Variants in NRG1 observed in about 807,000 individuals in gnomAD.
NRG1 encodes neuregulin 1.
A neutral mutation model predicts 63.8 loss-of-function variants in NRG1; 18 were observed. The ratio of observed to expected loss-of-function variants is 0.28; its 90% CI spans 0.19 to 0.42. The LOEUF is 0.42. Ranked by LOEUF, NRG1 falls within the 10% of genes least tolerant of loss-of-function variation. NRG1 has a pLI of 1.00. For missense variants in NRG1, 762 were observed against 814.7 expected, an observed-to-expected ratio of 0.94 and a Z score of 0.79; for synonymous variants, 302 against 301.3, an observed-to-expected ratio of 1.00 and a Z score of -0.02.
intron 1 of NRG1, among the ~76,000 whole-genome samples, chr8:32,430,747 A>G (rs1818026433): frequency 1.3e-5 from 2 of 149,830 alleles, no homozygotes; most frequent in Non-Finnish European, 1.5e-5. Context: ...GCAAACATTT[A>G]TGGTCTGATT....
intron 1 of NRG1, among the ~76,000 whole-genome samples, chr8:31,771,888 G>A (rs1320423793): frequency 1.3e-5 from 2 of 152,138 alleles, no homozygotes; most frequent in Non-Finnish European, 2.9e-5. Flanking sequence ...CAAGCACAGT[G>A]CAAAAATAGG....
intron 1 of NRG1, among the ~76,000 whole-genome samples, chr8:31,876,813 A>G (rs1829961787): frequency 6.6e-6 from 1 of 152,172 alleles, no homozygotes; most frequent in Non-Finnish European, 1.5e-5. Context: ...AACCAGCCAG[A>G]GGTGGAAAAG....
chr8:32,264,525 A>G (rs992832633), intron 1 of NRG1, among the ~76,000 whole-genome samples: 2 of 152,226 alleles, frequency 1.3e-5, no homozygotes, highest in Non-Finnish European at 2.9e-5. Context: ...TGATATGCAG[A>G]CAAACCAGCT....
intron 1 of NRG1, among the ~76,000 whole-genome samples, chr8:32,343,696 C>T (rs1804371421): frequency 6.6e-6 from 1 of 152,114 alleles, no homozygotes; most frequent in African/African-American, 2.4e-5. Flanking sequence ...TATGAGAAAC[C>T]TTCTACATCC....
chr8:31,683,707 A>G (rs62506907), intron 1 of NRG1, among the ~76,000 whole-genome samples: 30,308 of 152,018 alleles, frequency 0.2, 4,061 homozygotes, highest in East Asian at 0.59. Context: ...GGTGATAATA[A>G]TGCTTCAGTG....
At chr8:32,606,959 G>C (rs1845380028) in intron 3 of NRG1, among the ~76,000 whole-genome samples, 1 of 152,072 alleles carries the variant, frequency 6.6e-6, no homozygotes, top group Admixed American at 6.6e-5. Flanking sequence ...GGAAAATTCA[G>C]GTTAATGCCT....
chr8:31,842,986 T>G lies in NRG1; in HGVS notation c.37+203555T>G, dbSNP rs535930725. Among the ~76,000 whole-genome samples, 3 of 152,312 alleles carry G rather than the reference T, an allele frequency of 2.0e-5. No homozygotes were observed. In the South Asian group the frequency reaches 6.2e-4, roughly 32 times the overall value. On this transcript the variant is annotated intron_variant, in intron 1 of 10. Transcript: ENST00000519301. ...TGAAGATAGAAAATTGTCTGTGTCT[T>G]AAAATAATCTTCTATAAATTATGCG...
chr8:31,648,721 CAT>C (rs1169424243), intron 1 of NRG1, among the ~76,000 whole-genome samples: 1 of 152,166 alleles, frequency 6.6e-6, no homozygotes, highest in East Asian at 1.9e-4. Context: ...CATGTTGTAG[CAT>C]ATGTCAGAAT....
At chr8:31,727,392 T>C (rs1235835922) in intron 1 of NRG1, among the ~76,000 whole-genome samples, 10 of 152,204 alleles carry the variant, frequency 6.6e-5, no homozygotes. Flanking sequence ...TTTTTCCATC[T>C]CCTCTAATTT....
intron 1 of NRG1, among the ~76,000 whole-genome samples, chr8:32,285,470 G>T (rs1853415073): frequency 6.6e-6 from 1 of 152,168 alleles, no homozygotes; most frequent in African/African-American, 2.4e-5. Context: ...AGGCATCCAA[G>T]GGACTTGACC....
At chr8:32,280,679 GGTTTTTTTTTTGTTT>G (rs1251927607) in intron 1 of NRG1, among the ~76,000 whole-genome samples, 4,515 of 94,970 alleles carry the variant, frequency 0.048, 236 homozygotes, top group African/African-American at 0.17. Context: ...AACTGAATTA[GGTTTTTTTTTTGTTT>G]TTTTTTTTTT....
intron 1 of NRG1, among the ~76,000 whole-genome samples, chr8:32,356,474 A>ACCCCCCCCCCCCCCCCCCGGGC (rs11426642): frequency 7.2e-5 from 5 of 69,324 alleles, no homozygotes; most frequent in African/African-American, 5.9e-5. Flanking sequence ...CCTTGTTGGG[A>ACCCCCCCCCCCCCCCCCCGGGC]CCCCCCCCCC....
intron 4 of NRG1, among the ~76,000 whole-genome samples, chr8:32,614,997 T>TAACAA (rs1847084059): frequency 6.6e-6 from 1 of 150,658 alleles, no homozygotes; most frequent in Admixed American, 6.7e-5. Flanking sequence ...TCGCTAAACT[T>TAACAA]AACAAAACAA....
chr8:31,712,000 A>G (rs1811806149), intron 1 of NRG1, among the ~76,000 whole-genome samples: 1 of 152,210 alleles, frequency 6.6e-6, no homozygotes, highest in Non-Finnish European at 1.5e-5. Flanking sequence ...TTAGAGGGAC[A>G]TAAATAGCAC....
chr8:31,775,805 C>T (rs932327045), intron 1 of NRG1, among the ~76,000 whole-genome samples: 14 of 146,064 alleles, frequency 9.6e-5, no homozygotes, highest in African/African-American at 3.6e-4. Context: ...ATGGTGTGAA[C>T]CCAGGAGGTG....
chr8:32,258,089 G>T (rs1003232152), intron 1 of NRG1, among the ~76,000 whole-genome samples: 1 of 152,178 alleles, frequency 6.6e-6, no homozygotes, highest in African/African-American at 2.4e-5. Flanking sequence ...ACTGATGACT[G>T]TGTCGACCTC....
intron 1 of NRG1, among the ~76,000 whole-genome samples, chr8:32,078,391 A>G (rs1350989): frequency 0.97 from 148,037 of 152,328 alleles, 72,078 homozygotes; most frequent in Non-Finnish European, 1. Context: ...CTGGCACCAC[A>G]CTTTGTGTAT....
At chr8:32,658,338 A>G (rs955725219) in intron 5 of NRG1, among the ~76,000 whole-genome samples, 2 of 152,216 alleles carry the variant, frequency 1.3e-5, no homozygotes, top group Non-Finnish European at 2.9e-5. Flanking sequence ...TTACAATACT[A>G]GTGACTACTG....
chr8:32,695,526 A>G (rs371675134), intron 5 of NRG1, among the ~76,000 whole-genome samples: 1 of 152,252 alleles, frequency 6.6e-6, no homozygotes, highest in Non-Finnish European at 1.5e-5. Context: ...CATTTTCTGT[A>G]CTGAGAACAG....
Sources: allele counts gnomAD v4.1 joint callset (sites outside exome capture counted in the v4.1 genomes callset), GRCh38; gene constraint gnomAD v4.1.1; transcripts MANE v1.5; gene names NCBI Gene and HGNC (gene_info 2026-07-23, HGNC 2026-07-21).